PRKACA: variants seen among roughly 807,000 people sequenced by gnomAD.
PRKACA encodes the protein cAMP-dependent protein kinase catalytic subunit alpha.
PRKACA carries 9 observed loss-of-function variants against 45.8 expected under a neutral mutation model. The ratio of observed to expected loss-of-function variants is 0.20; its 90% CI spans 0.12 to 0.34. The LOEUF is 0.34. Among genes scored for constraint, PRKACA ranks in the 10% least tolerant of loss-of-function variants. The pLI is 1.00. For synonymous variants in PRKACA, 160 were observed against 178.6 expected, an observed-to-expected ratio of 0.90 and a Z score of 0.83; for missense variants, 238 against 458.6, an observed-to-expected ratio of 0.52 and a Z score of 4.39.
chr19:14,095,599 A>G (rs894447749), intron 8 of PRKACA, among the ~76,000 whole-genome samples: 1 of 149,900 alleles, frequency 6.7e-6, no homozygotes, highest in Non-Finnish European at 1.5e-5. Flanking sequence ...GCTCACTACA[A>G]CCTCTGTCTC....
intron 3 of PRKACA, among the ~76,000 whole-genome samples, chr19:14,103,271 G>A (rs1314672285): frequency 6.6e-6 from 1 of 152,152 alleles, no homozygotes; most frequent in African/African-American, 2.4e-5. Flanking sequence ...GCTTTCTGGA[G>A]GAAGGGGCAG....
chr19:14,096,183 C>T (rs902092465), intron 8 of PRKACA, among the ~76,000 whole-genome samples: 4 of 151,250 alleles, frequency 2.6e-5, no homozygotes, highest in African/African-American at 4.9e-5. Context: ...GGATTACAGG[C>T]GCCCACCACT....
intron 1 of PRKACA, chr19:14,115,043 C>T: frequency 2.0e-6 from 2 of 983,206 alleles, no homozygotes; most frequent in Non-Finnish European, 2.4e-6. Flanking sequence ...TAACTCCATC[C>T]TCTCAGAATC....
intron 1 of PRKACA, among the ~76,000 whole-genome samples, chr19:14,115,736 C>A (rs968887630): frequency 1.3e-5 from 2 of 152,156 alleles, no homozygotes; most frequent in African/African-American, 4.8e-5. Flanking sequence ...CCACCCCCCA[C>A]CACATGTGTC....
In PRKACA at chr19:14,107,371, T is replaced by A; in HGVS notation, c.85A>T (p.Lys29Ter). Residue 29 changes from lysine to a stop codon, truncating the protein, a stop_gained, in exon 2 of 10, where the codon AAA becomes TAA. Coordinates refer to ENST00000308677, the MANE Select transcript of PRKACA (RefSeq NM_002730.4). LOFTEE classifies it high-confidence loss of function. The stretch of plus-strand genomic sequence containing the variant: ...ACCTGAGCGGGACTTTCCCATTTTT[T>A]AAGAAAATCTTCTTTGGCTTTGGCT... ...FLAKAKEDFL[K>*]KWESPAQNTA... 6.2e-7 allele frequency: 1 copy of A among 1,614,174 alleles called. No homozygotes were observed.
In PRKACA at chr19:14,094,341, A is replaced by T. The variant is rs556658181; in HGVS notation, c.766-549T>A. On this transcript the variant is annotated intron_variant, in intron 8 of 9. Transcript: ENST00000308677. ...GTAGCTGGGATTACAGGCTCACGCCAAGACACCTGGCTAATTTTTGTATTT... is the reference window on the plus strand; with the variant it reads ...GTAGCTGGGATTACAGGCTCACGCCTAGACACCTGGCTAATTTTTGTATTT... Among the ~76,000 whole-genome samples, 3 of 152,222 alleles carry T rather than the reference A, an allele frequency of 2.0e-5. No individual in the cohort carries two copies. The East Asian group carries it at 5.8e-4, about 29-fold the overall frequency.
intron 1 of PRKACA, 186 bp from the exon 2 acceptor site, chr19:14,107,595 G>T: frequency 7.7e-7 from 1 of 1,302,688 alleles, no homozygotes; most frequent in Non-Finnish European, 1.0e-6. Flanking sequence ...AGAGAGGTGG[G>T]ATCCAGCTGC....
At chr19:14,116,280 G>T (rs887083084) in intron 1 of PRKACA, among the ~76,000 whole-genome samples, 1 of 152,140 alleles carries the variant, frequency 6.6e-6, no homozygotes, top group Non-Finnish European at 1.5e-5. Context: ...CATTTCTGAT[G>T]GTATTTCCAG....
intron 3 of PRKACA, among the ~76,000 whole-genome samples, chr19:14,104,793 A>C (rs1180846278): frequency 1.3e-5 from 2 of 152,100 alleles, no homozygotes; most frequent in South Asian, 2.1e-4. Flanking sequence ...GAATCGCTTG[A>C]AACCCGGAGG....
In PRKACA at chr19:14,092,218, C is replaced by T. The variant is rs533224290; in HGVS notation, c.*894G>A. On this transcript the variant is annotated 3_prime_UTR_variant, in exon 10 of 10. Transcript: ENST00000308677. ...ACGCTGCTGGGAGGAAAGACTTGGGCTTGGGGCTCCCCCTCTGTCTTTTTG... is the reference window on the plus strand; with the variant it reads ...ACGCTGCTGGGAGGAAAGACTTGGGTTTGGGGCTCCCCCTCTGTCTTTTTG... The T allele has an allele frequency of 1.6e-4, 26 of 164,860 alleles. No homozygotes were observed. Among genetic ancestry groups the T allele is most frequent in the African/African-American group, 6.2e-4 (26 of 42,134 alleles). 10.2% of individuals were successfully genotyped at this position (164,860 alleles called of 1,614,324 possible).
intron 1 of PRKACA, chr19:14,115,007 A>G (rs905183262): frequency 1.1e-6 from 1 of 925,218 alleles, no homozygotes. Flanking sequence ...CCCCTGCCCC[A>G]CCCTTCTAAG....
At chr19:14,114,067 G>A in intron 1 of PRKACA, 1 of 1,545,672 alleles carries the variant, frequency 6.5e-7, no homozygotes, top group Non-Finnish European at 8.8e-7. Context: ...CCCCGCTGCA[G>A]CCCCTCCCTG....
At position 14,097,223 on chromosome 19, in the gene PRKACA, G is replaced by A. The variant is rs748816555; in HGVS notation, c.765+138C>T. 3.2e-5 allele frequency: 44 copies of A among 1,386,216 alleles called. No individual in the cohort carries two copies. Among genetic ancestry groups the A allele is most frequent in the Non-Finnish European group, 3.6e-5 (36 of 1,000,374 alleles). The allele number at this position is 1,386,216 out of a possible 1,614,324, so 85.9% of individuals were successfully genotyped here. A position where few individuals can be genotyped will look rare whatever the true frequency, so the allele number is the denominator to read the frequency against. On this transcript the variant is annotated intron_variant, in intron 8 of 9. Coordinates refer to ENST00000308677, the MANE Select transcript of PRKACA (RefSeq NM_002730.4). The surrounding 1 kb of genome is among the most constrained non-coding windows in gnomAD (Gnocchi z 5.4). ...GTGTTGGCCTCAGTGTGGCCGGCGCGTCCAGCTTCACCACCTGGCCTGACT... is the reference window on the plus strand; with the variant it reads ...GTGTTGGCCTCAGTGTGGCCGGCGCATCCAGCTTCACCACCTGGCCTGACT...
At position 14,117,623 on chromosome 19, in the gene PRKACA, G is replaced by GC; in HGVS notation, c.-77dup. On this transcript the variant is annotated 5_prime_UTR_variant, in exon 1 of 10. Transcript: ENST00000308677. Reference sequence around the variant, plus strand: ...TGGCTGCGGCCGGCGGCCCCGGAGCGCGCTGGGCGGCGGCGGCGGCGGCCC... The same window carrying GC: ...TGGCTGCGGCCGGCGGCCCCGGAGCGCCGCTGGGCGGCGGCGGCGGCGGCCC... 1.1e-6 allele frequency: 1 copy of GC among 887,998 alleles called. No individual in the cohort carries two copies. Among genetic ancestry groups the GC allele is most frequent in the Non-Finnish European group, 1.3e-6 (1 of 743,314 alleles). 55.0% of individuals were successfully genotyped at this position (887,998 alleles called of 1,614,324 possible). A position where few individuals can be genotyped will look rare whatever the true frequency, so the allele number is the denominator to read the frequency against.
intron 5 of PRKACA, chr19:14,098,309 T>A (rs1040780214): frequency 2.3e-5 from 4 of 170,388 alleles, no homozygotes; most frequent in African/African-American, 9.5e-5. Context: ...GGAGGTGACG[T>A]GTCAAGAGAG....
chr19:14,107,558 G>A (rs916686326), intron 1 of PRKACA, 149 bp from the exon 2 acceptor site: 28 of 1,305,956 alleles, frequency 2.1e-5, no homozygotes, highest in Non-Finnish European at 2.9e-5. Context: ...GCCTTGGCTG[G>A]GCCGTGGCCT....
At chr19:14,109,168 G>A (rs184590461) in intron 1 of PRKACA, among the ~76,000 whole-genome samples, 2,024 of 151,376 alleles carry the variant, frequency 0.013, 14 homozygotes, top group Non-Finnish European at 0.02. Flanking sequence ...CCAACATGGC[G>A]AAACCCCATC....
At chr19:14,094,911 G>C (rs989297406) in intron 8 of PRKACA, among the ~76,000 whole-genome samples, 4 of 152,230 alleles carry the variant, frequency 2.6e-5, no homozygotes, top group African/African-American at 9.6e-5. Context: ...AGTTATAGTT[G>C]CAAGAAACGA....
chr19:14,104,164 C>T (rs569943629), intron 3 of PRKACA, among the ~76,000 whole-genome samples: 51 of 150,792 alleles, frequency 3.4e-4, no homozygotes, highest in African/African-American at 1.2e-3. Context: ...GGTGAAACCC[C>T]GTCTCTACTA....
Sources: gnomAD v4.1 joint callset for allele counts (sites outside exome capture counted in the v4.1 genomes callset) on GRCh38, gnomAD v4.1.1 for gene constraint, Gnocchi (gnomAD v3.1) non-coding constraint, MANE v1.5 for transcripts, NCBI Gene and HGNC (gene_info 2026-07-23, HGNC 2026-07-21) for gene names.